PHTF2: variants seen among roughly 807,000 people sequenced by gnomAD.
PHTF2 encodes protein PHTF2.
A neutral mutation model predicts 101.2 loss-of-function variants in PHTF2; 60 were observed. The observed-to-expected ratio is 0.59, with a 90% CI of 0.48 to 0.73. The LOEUF (loss-of-function observed/expected upper bound fraction) is 0.73, where lower values mean the gene tolerates loss of function less well. Among genes scored for constraint, PHTF2 ranks in the 30% least tolerant of loss-of-function variants. The probability of loss-of-function intolerance (pLI) is 0.00; values close to 1 mark genes in which losing one functional copy is unlikely to be tolerated. For synonymous variants in PHTF2, 311 were observed against 307.3 expected (o/e 1.01, Z -0.13); for missense variants, 747 against 908.7 (o/e 0.82, Z 2.29).
chr7:77,844,340 TTTTATA>T (rs1214500214), intron 2 of PHTF2, among the ~76,000 whole-genome samples: 1 of 152,142 alleles, frequency 6.6e-6, no homozygotes, highest in Non-Finnish European at 1.5e-5. Context: ...ATTGTGACGT[TTTTATA>T]TTTATGATTT....
At chr7:77,918,869 G>C (rs1301334333) in intron 9 of PHTF2, among the ~76,000 whole-genome samples, 1 of 152,114 alleles carries the variant, frequency 6.6e-6, no homozygotes, top group Non-Finnish European at 1.5e-5. Flanking sequence ...GTGGAGATGT[G>C]CTCTGAATGA....
At position 77,854,712 on chromosome 7, in the gene PHTF2, C is replaced by G. The variant is rs372799722; in HGVS notation, c.46-21C>G. 9.4e-5 allele frequency: 66 copies of G among 704,902 alleles called. No individual in the cohort carries two copies. In the African/African-American group the frequency reaches 9.4e-4, roughly 10 times the overall value. 43.7% of individuals were successfully genotyped at this position (704,902 alleles called of 1,614,324 possible). ...ACAAGACAAAGTTTTTTGCACTCTTCTTTCTCCTTTGCTCATGTAGGAGTT... is the reference window on the plus strand; with the variant it reads ...ACAAGACAAAGTTTTTTGCACTCTTGTTTCTCCTTTGCTCATGTAGGAGTT... On this transcript the variant is annotated intron_variant, in intron 2 of 19. Coordinates refer to ENST00000416283, the Ensembl canonical transcript of PHTF2.
intron 12 of PHTF2, among the ~76,000 whole-genome samples, chr7:77,933,309 A>G (rs2150954319): frequency 6.6e-6 from 1 of 152,322 alleles, no homozygotes; most frequent in East Asian, 1.9e-4. Flanking sequence ...GATGATTGAA[A>G]TGGTGGATCT....
intron 3 of PHTF2, among the ~76,000 whole-genome samples, chr7:77,855,935 A>G (rs1207057664): frequency 6.6e-6 from 1 of 152,136 alleles, no homozygotes; most frequent in Non-Finnish European, 1.5e-5. Flanking sequence ...AAGGGTTAAA[A>G]CAAAGTACTT....
At chr7:77,905,308 C>T (rs1271095948) in intron 7 of PHTF2, among the ~76,000 whole-genome samples, 4 of 152,070 alleles carry the variant, frequency 2.6e-5, no homozygotes, top group Non-Finnish European at 5.9e-5. Flanking sequence ...TCACTGCAGC[C>T]TTGAACTCCC....
chr7:77,943,880 T>C (rs1266172387), intron 16 of PHTF2, among the ~76,000 whole-genome samples: 1 of 151,882 alleles, frequency 6.6e-6, no homozygotes, highest in Non-Finnish European at 1.5e-5. Flanking sequence ...TAGCCGGGCA[T>C]GGTGGTAGGC....
intron 3 of PHTF2, among the ~76,000 whole-genome samples, chr7:77,865,913 G>T: frequency 6.6e-6 from 1 of 152,076 alleles, no homozygotes. Flanking sequence ...GCTGGGCTCG[G>T]TGGCTCATGC....
At chr7:77,913,502 A>G (rs1409477799) in intron 9 of PHTF2, among the ~76,000 whole-genome samples, 2 of 152,086 alleles carry the variant, frequency 1.3e-5, no homozygotes, top group Non-Finnish European at 2.9e-5. Flanking sequence ...ATTGAATAGG[A>G]TGAATTACAT....
At chr7:77,926,786 T>A (rs1804042685) in intron 11 of PHTF2, among the ~76,000 whole-genome samples, 1 of 151,294 alleles carries the variant, frequency 6.6e-6, no homozygotes, top group African/African-American at 2.4e-5. Flanking sequence ...CTGTGCAACA[T>A]GGCGAAACTC....
At chr7:77,893,458 C>T (rs1201819029) in intron 3 of PHTF2, 150 bp from the exon 3 acceptor site, 1 of 422,690 alleles carries the variant, frequency 2.4e-6, no homozygotes, top group African/African-American at 2.1e-5. Flanking sequence ...AGAACCACTG[C>T]AATAATATGA....
At chr7:77,899,889 TTTG>T (rs750439101) in intron 5 of PHTF2, among the ~76,000 whole-genome samples, 1 of 152,116 alleles carries the variant, frequency 6.6e-6, no homozygotes, top group Non-Finnish European at 1.5e-5. Context: ...GTTCTTTTTG[TTTG>T]TTTTCTCTTT....
intron 1 of PHTF2, among the ~76,000 whole-genome samples, chr7:77,803,178 A>G (rs1424013393): frequency 6.6e-6 from 1 of 152,174 alleles, no homozygotes; most frequent in African/African-American, 2.4e-5. Context: ...TGGGGCAGGA[A>G]ATAGCTGTGG....
chr7:77,880,808 A>G (rs1399358851), intron 3 of PHTF2, among the ~76,000 whole-genome samples: 1 of 152,204 alleles, frequency 6.6e-6, no homozygotes, highest in African/African-American at 2.4e-5. Flanking sequence ...TTAAATGAGG[A>G]AACTTGCAAG....
chr7:77,915,729 T>G (rs1057227938), intron 9 of PHTF2, among the ~76,000 whole-genome samples: 13 of 152,114 alleles, frequency 8.5e-5, no homozygotes, highest in African/African-American at 3.1e-4. Flanking sequence ...GCTTCTAGGG[T>G]TTTTTCCTTG....
At chr7:77,817,449 A>G (rs1202869704) in intron 1 of PHTF2, among the ~76,000 whole-genome samples, 1 of 152,220 alleles carries the variant, frequency 6.6e-6, no homozygotes, top group Non-Finnish European at 1.5e-5. Flanking sequence ...TCATGATGGA[A>G]GGGGAAGCAA....
chr7:77,831,239 C>T (rs996466189), intron 1 of PHTF2, among the ~76,000 whole-genome samples: 2 of 152,176 alleles, frequency 1.3e-5, no homozygotes, highest in African/African-American at 2.4e-5. Context: ...AAGAAAAAAA[C>T]GTGAACATGA....
intron 1 of PHTF2, among the ~76,000 whole-genome samples, chr7:77,816,198 T>C (rs188562120): frequency 6.6e-6 from 1 of 152,202 alleles, no homozygotes; most frequent in Admixed American, 6.5e-5. Flanking sequence ...CCTCAGTCTC[T>C]CAAGTAGCTG....
chr7:77,842,371 A>C (rs1795959826), intron 2 of PHTF2, among the ~76,000 whole-genome samples: 1 of 152,068 alleles, frequency 6.6e-6, no homozygotes, highest in Admixed American at 6.5e-5. Flanking sequence ...GCCCAGCTAG[A>C]TCTTGTATTT....
rs577703714 is a variant in PHTF2, at chr7:77,937,614, G to T, written c.1339-96G>T. ...TTTTATTTTTAGTGTCATTAAAATT[G>T]TGTGTGTATATAGAGATATATATAC... On this transcript the variant is annotated intron_variant, in intron 12 of 19. Transcript: ENST00000416283. 44 of 381,186 alleles carry T rather than the reference G, an allele frequency of 1.2e-4. No individual in the cohort carries two copies. In the South Asian group the frequency reaches 1.8e-3, roughly 16 times the overall value. 23.6% of individuals were successfully genotyped at this position (381,186 alleles called of 1,614,324 possible). A position where few individuals can be genotyped will look rare whatever the true frequency, so the allele number is the denominator to read the frequency against.
Sources: gnomAD v4.1 joint callset for allele counts (sites outside exome capture counted in the v4.1 genomes callset) on GRCh38, gnomAD v4.1.1 for gene constraint, MANE v1.5 for transcripts, NCBI Gene and HGNC (gene_info 2026-07-23, HGNC 2026-07-21) for gene names.